Variants in JAK1 observed in about 807,000 individuals in gnomAD.
JAK1 encodes the protein Janus kinase 1, also known as tyrosine-protein kinase JAK1.
In JAK1, 16 loss-of-function variants were observed where a neutral mutation model predicts 136.6. The ratio of observed to expected loss-of-function variants is 0.12; its 90% CI spans 0.08 to 0.18. The LOEUF (loss-of-function observed/expected upper bound fraction) is 0.18. Ranked by LOEUF, JAK1 falls within the 10% of genes least tolerant of loss-of-function variation. The pLI, the probability that JAK1 is intolerant of heterozygous loss-of-function variation, is 1.00. For missense variants in JAK1, 859 were observed against 1,450.1 expected (o/e 0.59, Z 6.62); for synonymous variants, 492 against 519.5 (o/e 0.95, Z 0.72).
intron 1 of JAK1, among the ~76,000 whole-genome samples, chr1:64,927,444 A>T (rs758119652): frequency 6.6e-6 from 1 of 152,224 alleles, no homozygotes; most frequent in Non-Finnish European, 1.5e-5. Flanking sequence ...CAAATGAACG[A>T]ATAAATGAGG....
At position 64,839,585 on chromosome 1, in the gene JAK1, C is replaced by T; in HGVS notation, c.2842+18G>A. The T allele has an allele frequency of 6.2e-7, 1 of 1,608,472 alleles. No individual in the cohort carries two copies. The highest frequency in any genetic ancestry group is 1.1e-5 in the South Asian group (1 of 90,478). On this transcript the variant is annotated intron_variant, in intron 20 of 24. Transcript: ENST00000342505. ...GTCACCAAATCTTTAAACCGGACCCCAGCCTTGCATAACATACCGTCTTCT... is the reference window on the plus strand; with the variant it reads ...GTCACCAAATCTTTAAACCGGACCCTAGCCTTGCATAACATACCGTCTTCT...
At chr1:64,973,235 GAA>G (rs1249283596) in intron 2 of JAK1, 1 of 144,436 alleles carries the variant, frequency 6.9e-6, no homozygotes, top group Non-Finnish European at 1.5e-5. Context: ...AAGAAAGAAA[GAA>G]AGAAGGAGAA....
At chr1:65,012,553 AAGCCACT>A (rs1170660355) in intron 2 of JAK1, among the ~76,000 whole-genome samples, 5 of 152,206 alleles carry the variant, frequency 3.3e-5, no homozygotes, top group African/African-American at 4.8e-5. Flanking sequence ...CTGAGTACTG[AAGCCACT>A]TTTGCCCTGA....
chr1:64,959,200 C>G (rs1646241493), intron 1 of JAK1, among the ~76,000 whole-genome samples: 1 of 152,150 alleles, frequency 6.6e-6, no homozygotes, highest in South Asian at 2.1e-4. Flanking sequence ...AAATAATGCC[C>G]AGACCCAAGA....
intron 2 of JAK1, among the ~76,000 whole-genome samples, chr1:65,033,337 AAC>A (rs1647039442): frequency 1.3e-5 from 2 of 152,080 alleles, no homozygotes; most frequent in Admixed American, 1.3e-4. Flanking sequence ...ATTTTTTTTA[AAC>A]AATAAAATTT....
chr1:64,851,674 AC>A (rs1318372518), intron 11 of JAK1, among the ~76,000 whole-genome samples: 1 of 152,184 alleles, frequency 6.6e-6, no homozygotes, highest in African/African-American at 2.4e-5. Context: ...CATAGAAATC[AC>A]CTTTCCCGCT....
intron 2 of JAK1, among the ~76,000 whole-genome samples, chr1:65,008,903 G>A (rs1416776905): frequency 5.9e-5 from 9 of 152,034 alleles, no homozygotes; most frequent in East Asian, 1.9e-4. Context: ...TGCCCAGGCC[G>A]GTCTCAAACT....
At chr1:64,928,784 AAAAAAAAAAAAAC>A (rs1174908804) in intron 1 of JAK1, among the ~76,000 whole-genome samples, 6 of 121,924 alleles carry the variant, frequency 4.9e-5, no homozygotes, top group South Asian at 2.7e-4. Context: ...TCTGCAAAAA[AAAAAAAAAAAAAC>A]AAAAAAAAAA....
At chr1:65,026,887 G>A (rs751655837) in intron 2 of JAK1, among the ~76,000 whole-genome samples, 15 of 151,872 alleles carry the variant, frequency 9.9e-5, no homozygotes, top group Non-Finnish European at 1.9e-4. Context: ...AGGAGGTAGA[G>A]GCTGCAGTGA....
At position 64,985,442 on chromosome 1, in the gene JAK1, T is replaced by C. The variant is rs1394193280; in HGVS notation, c.-78+59038A>G. On this transcript the variant is annotated intron_variant, in intron 2 of 25. Transcript: ENST00000671954. The stretch of plus-strand genomic sequence containing the variant: ...GGAGGATCTCCTTAGCATTCTCCTC[T>C]TCTTTTCTGTTAATGAGCAAGAATC... The C allele has an allele frequency of 3.1e-6, 5 of 1,607,502 alleles. No individual in the cohort carries two copies. The African/African-American group carries it at 6.7e-5, about 21-fold the overall frequency.
At chr1:64,888,584 A>G (rs917054512) in intron 1 of JAK1, among the ~76,000 whole-genome samples, 1 of 152,262 alleles carries the variant, frequency 6.6e-6, no homozygotes, top group Non-Finnish European at 1.5e-5. Flanking sequence ...GGATCTGACT[A>G]AAATCACTAA....
At chr1:64,884,935 G>T (rs1219806511) in intron 2 of JAK1, among the ~76,000 whole-genome samples, 2 of 152,140 alleles carry the variant, frequency 1.3e-5, no homozygotes, top group Non-Finnish European at 2.9e-5. Context: ...CACATAATGG[G>T]TGCTTGCAGA....
At chr1:64,922,160 CACA>C (rs1343999452) in intron 1 of JAK1, among the ~76,000 whole-genome samples, 2 of 151,432 alleles carry the variant, frequency 1.3e-5, no homozygotes, top group Non-Finnish European at 2.9e-5. Context: ...AAAAAAAAAC[CACA>C]ACAACAACAC....
intron 1 of JAK1, among the ~76,000 whole-genome samples, chr1:64,938,245 A>C (rs1645826639): frequency 1.3e-5 from 2 of 152,220 alleles, no homozygotes; most frequent in South Asian, 4.1e-4. Flanking sequence ...GATATAAAAA[A>C]ATACTCTTTC....
chr1:64,841,709 A>G (rs765499303), intron 17 of JAK1, 108 bp from the exon 18 acceptor site: 5 of 1,102,658 alleles, frequency 4.5e-6, no homozygotes, highest in Non-Finnish European at 6.7e-6. Context: ...CAACATCTCC[A>G]CTTACAGGTA....
intron 1 of JAK1, among the ~76,000 whole-genome samples, chr1:64,956,252 A>C (rs1172558292): frequency 2.0e-5 from 3 of 152,242 alleles, no homozygotes; most frequent in Non-Finnish European, 4.4e-5. Flanking sequence ...GTATTAACCA[A>C]AACAGAGAAA....
chr1:64,970,837 C>A (rs1397434240), upstream of JAK1, among the ~76,000 whole-genome samples: 2 of 151,022 alleles, frequency 1.3e-5, no homozygotes, highest in Non-Finnish European at 1.5e-5. Flanking sequence ...CAAAAGAATA[C>A]AAATATTTCC....
intron 2 of JAK1, among the ~76,000 whole-genome samples, chr1:65,018,319 G>T (rs1646906591): frequency 6.6e-6 from 1 of 151,794 alleles, no homozygotes; most frequent in Non-Finnish European, 1.5e-5. Flanking sequence ...TAAAGAAGTA[G>T]GAAAGAGATA....
chr1:64,908,001 A>G (rs1326321919), intron 1 of JAK1, among the ~76,000 whole-genome samples: 1 of 152,218 alleles, frequency 6.6e-6, no homozygotes, highest in Admixed American at 6.5e-5. Context: ...CATGCTCACA[A>G]GTGTATAGAG....
Sources: gnomAD v4.1 joint callset for allele counts (sites outside exome capture counted in the v4.1 genomes callset) on GRCh38, gnomAD v4.1.1 for gene constraint, MANE v1.5 for transcripts, NCBI Gene and HGNC (gene_info 2026-07-23, HGNC 2026-07-21) for gene names.